Variants in RET observed in about 807,000 individuals in gnomAD.
The protein encoded by RET is proto-oncogene tyrosine-protein kinase receptor Ret.
Under a neutral mutation model 118.3 loss-of-function variants are expected in RET, and 19 were observed. That is an observed-to-expected ratio of 0.16 (90% CI 0.11 to 0.24). RET has a LOEUF of 0.24. RET is among the 10% of genes least tolerant of loss of function. RET has a pLI of 1.00. For synonymous variants in RET, 597 were observed against 644.1 expected, an observed-to-expected ratio of 0.93 and a Z score of 1.11; for missense variants, 1,219 against 1,502.1, an observed-to-expected ratio of 0.81 and a Z score of 3.12.
intron 1 of RET, 25 bp downstream of exon 1, chr10:43,077,356 C>A: frequency 6.7e-7 from 1 of 1,503,638 alleles, no homozygotes; most frequent in Non-Finnish European, 8.8e-7. Context: ...CCGCCGGCTC[C>A]CGCAGGGGCC....
At chr10:43,125,105 G>C in intron 18 of RET, 123 bp downstream of exon 18, 1 of 865,504 alleles carries the variant, frequency 1.2e-6, no homozygotes, top group South Asian at 1.4e-5. Context: ...ATTGTGCAGA[G>C]AGAGAGAGTC....
In RET at chr10:43,109,065, G is replaced by T. The variant is rs1362164894; in HGVS notation, c.1098G>T (p.Glu366Asp). The T allele has an allele frequency of 1.9e-6, 3 of 1,613,646 alleles. No homozygotes were observed. Among genetic ancestry groups the T allele is most frequent in the East Asian group, 2.2e-5 (1 of 44,864 alleles). ...TCAACCGGAACCTCTCCATCTCGGA[G>T]AACCGCACCATGCAGCTGGCGGTGC... ...LVLNRNLSIS[E>D]NRTMQLAVLV... is the part of the protein sequence containing the mutation. Residue 366 changes from glutamate (E) to aspartate (D), a missense_variant, in exon 6 of 20, where the codon GAG (glutamate) becomes GAT (aspartate). This residue lies in a region of RET where 850 missense variants were observed against 969.6 expected (regional missense o/e 0.88). Coordinates refer to ENST00000355710, the MANE Select transcript of RET (RefSeq NM_020975.6).
At chr10:43,125,865 G>C (rs1325135336) in intron 18 of RET, among the ~76,000 whole-genome samples, 1 of 152,192 alleles carries the variant, frequency 6.6e-6, no homozygotes, top group Non-Finnish European at 1.5e-5. Flanking sequence ...TTCAAGTCCT[G>C]AGAATGCAGC....
chr10:43,088,961 G>C (rs918704039), intron 1 of RET, among the ~76,000 whole-genome samples: 1 of 152,062 alleles, frequency 6.6e-6, no homozygotes, highest in Non-Finnish European at 1.5e-5. Context: ...CAGCCCTCCC[G>C]TCCTGCCGGG....
intron 1 of RET, among the ~76,000 whole-genome samples, chr10:43,081,895 C>T (rs988174790): frequency 1.8e-4 from 27 of 152,198 alleles, no homozygotes; most frequent in African/African-American, 6.5e-4. Flanking sequence ...GAGGACGGGC[C>T]TTCTCCTGAC....
In RET at chr10:43,116,573, T is replaced by G. The variant is rs1247657169; in HGVS notation, c.2137-11T>G. ...CCCCCTCTTCTCCCCCTTCCCTCAT[T>G]TCCAACATAGGAGGATCCAAAGTGG... On this transcript the variant is annotated splice_polypyrimidine_tract_variant and intron_variant, in intron 11 of 19. Transcript: ENST00000355710. 6.2e-7 allele frequency: 1 copy of G among 1,607,594 alleles called. No homozygotes were observed. The highest frequency in any genetic ancestry group is 2.3e-5 in the East Asian group (1 of 44,176).
At chr10:43,083,009 C>T (rs1405246959) in intron 1 of RET, among the ~76,000 whole-genome samples, 1 of 152,188 alleles carries the variant, frequency 6.6e-6, no homozygotes, top group African/African-American at 2.4e-5. Flanking sequence ...GTTCCCCTTC[C>T]TGCTCCACCA....
At chr10:43,123,978 G>A (rs1336411255) in intron 17 of RET, among the ~76,000 whole-genome samples, 170 bp downstream of exon 17, 2 of 152,144 alleles carry the variant, frequency 1.3e-5, no homozygotes, top group African/African-American at 4.8e-5. Flanking sequence ...TAGATGCTGG[G>A]GGTCCTACCC....
intron 6 of RET, 89 bp from the exon 7 acceptor site, chr10:43,111,118 A>G: frequency 6.3e-7 from 1 of 1,586,104 alleles, no homozygotes; most frequent in Non-Finnish European, 8.6e-7. Flanking sequence ...GGGCTGTTCC[A>G]GGACTTAGGC....
At chr10:43,096,581 C>A (rs1804543499) in intron 1 of RET, among the ~76,000 whole-genome samples, 1 of 152,150 alleles carries the variant, frequency 6.6e-6, no homozygotes. Flanking sequence ...ACTGGCCGTT[C>A]CTCCTCTCCT....
In RET at chr10:43,114,474, C is replaced by T; in HGVS notation, c.1880-6C>T. On this transcript the variant is annotated splice_region_variant and splice_polypyrimidine_tract_variant and intron_variant, in intron 10 of 19. Transcript: ENST00000355710. This position sits in a 1 kb window ranked among gnomAD's most constrained non-coding sequence, Gnocchi z 4.6. Reference sequence around the variant, plus strand: ...GTGCCAAGCCTCACACCACCCCCACCCACAGATCCACTGTGCGACGAGCTG... The same window carrying T: ...GTGCCAAGCCTCACACCACCCCCACTCACAGATCCACTGTGCGACGAGCTG... The T allele has an allele frequency of 6.2e-7, 1 of 1,605,902 alleles. No homozygotes were observed. Among genetic ancestry groups the T allele is most frequent in the Non-Finnish European group, 8.5e-7 (1 of 1,179,974 alleles).
rs748501516 is a variant in RET at position 43,128,108 on chromosome 10, T to G, written c.3188-4T>G. On this transcript the variant is annotated splice_region_variant and splice_polypyrimidine_tract_variant and intron_variant, in intron 19 of 19. Coordinates refer to ENST00000355710, the MANE Select transcript of RET (RefSeq NM_020975.6). ...CAGAACAAATGATCTGTTTTCATTTTTAGGCATGTCAGACCCGAACTGGCC... is the reference window on the plus strand; with the variant it reads ...CAGAACAAATGATCTGTTTTCATTTGTAGGCATGTCAGACCCGAACTGGCC... 10 of 1,614,052 alleles carry G rather than the reference T, an allele frequency of 6.2e-6. No individual in the cohort carries two copies. The highest frequency in any genetic ancestry group is 8.5e-6 in the Non-Finnish European group (10 of 1,180,036).
chr10:43,095,672 G>A (rs532497391), intron 1 of RET, among the ~76,000 whole-genome samples: 2 of 152,348 alleles, frequency 1.3e-5, no homozygotes, highest in African/African-American at 2.4e-5. Context: ...GGCAGGGTGG[G>A]AGCAGATGGG....
intron 1 of RET, among the ~76,000 whole-genome samples, chr10:43,097,952 C>T (rs1179448699): frequency 6.6e-6 from 1 of 152,174 alleles, no homozygotes; most frequent in Non-Finnish European, 1.5e-5. Flanking sequence ...TGCAGTATTC[C>T]TAATGTGTCC....
At chr10:43,078,388 C>T (rs1265099657) in intron 1 of RET, among the ~76,000 whole-genome samples, 1 of 152,238 alleles carries the variant, frequency 6.6e-6, no homozygotes, top group African/African-American at 2.4e-5. Flanking sequence ...GTCTCTGGCC[C>T]CAGGCCCTGC....
At chr10:43,085,863 G>C (rs1176450563) in intron 1 of RET, among the ~76,000 whole-genome samples, 2 of 152,174 alleles carry the variant, frequency 1.3e-5, no homozygotes, top group Non-Finnish European at 2.9e-5. Flanking sequence ...CCCGCATCGG[G>C]CTGCCTGGCT....
Position 43,129,973 on chromosome 10 carries a change from A to G in RET, c.*1704A>G. 2.5e-6 allele frequency: 1 copy of G among 398,988 alleles called. No homozygotes were observed. The highest frequency in any genetic ancestry group is 4.4e-6 in the Non-Finnish European group (1 of 226,072). 24.7% of individuals were successfully genotyped at this position (398,988 alleles called of 1,614,324 possible). On this transcript the variant is annotated 3_prime_UTR_variant, in exon 20 of 20. Transcript: ENST00000355710. ...GCAGAAATAAGAATAAACTTTCTCA[A>G]ATTATTAAAAATGCCTACACAGTAA...
chr10:43,077,796 G>GCGTTCCTC (rs1310745212), intron 1 of RET, among the ~76,000 whole-genome samples: 1 of 152,226 alleles, frequency 6.6e-6, no homozygotes, highest in African/African-American at 2.4e-5. Flanking sequence ...CAGCGTCCGT[G>GCGTTCCTC]CGTTCCTCCC....
At chr10:43,121,666 A>G (rs1838220498) in intron 15 of RET, among the ~76,000 whole-genome samples, 1 of 152,170 alleles carries the variant, frequency 6.6e-6, no homozygotes, top group Non-Finnish European at 1.5e-5. Flanking sequence ...ATAGGGAAGC[A>G]CTGCTCTGCA....
Sources: gnomAD v4.1 joint callset for allele counts (sites outside exome capture counted in the v4.1 genomes callset) on GRCh38, gnomAD v4.1.1 for gene constraint, gnomAD v4.1.1 regional missense constraint, Gnocchi (gnomAD v3.1) non-coding constraint, MANE v1.5 for transcripts, NCBI Gene and HGNC (gene_info 2026-07-23, HGNC 2026-07-21) for gene names.